Variants in RBFOX1 observed in about 807,000 individuals in gnomAD.
RBFOX1 encodes RNA binding fox-1 homolog 1.
Under a neutral mutation model 57.7 loss-of-function variants are expected in RBFOX1, and 8 were observed. The observed-to-expected ratio is 0.14, with a 90% CI of 0.08 to 0.25. The LOEUF (loss-of-function observed/expected upper bound fraction) is 0.25. Among genes scored for constraint, RBFOX1 ranks in the 10% least tolerant of loss-of-function variants. RBFOX1 has a pLI of 1.00. For missense variants in RBFOX1, 611 were observed against 548.5 expected, an observed-to-expected ratio of 1.11 and a Z score of -1.14; for synonymous variants, 326 against 222.4, an observed-to-expected ratio of 1.47 and a Z score of -4.15.
At chr16:5,515,849 C>A (rs752010910) in intron 2 of RBFOX1, among the ~76,000 whole-genome samples, 2 of 152,094 alleles carry the variant, frequency 1.3e-5, no homozygotes, top group Non-Finnish European at 2.9e-5. Context: ...TTCTGAGGCA[C>A]AGTGCTAGGC....
At chr16:6,801,205 A>T (rs1407901684) in intron 3 of RBFOX1, among the ~76,000 whole-genome samples, 1 of 151,664 alleles carries the variant, frequency 6.6e-6, no homozygotes, top group Non-Finnish European at 1.5e-5. Flanking sequence ...CATGCAAAAA[A>T]AAAAAAAAAA....
At chr16:7,308,298 T>TTTG in intron 4 of RBFOX1, among the ~76,000 whole-genome samples, 1 of 580 alleles carries the variant, frequency 1.7e-3, no homozygotes, top group Admixed American at 0.01. Context: ...CCCAGAGCTG[T>TTTG]TTTTTTTTTT....
At chr16:6,496,414 T>C (rs1372711863) in intron 2 of RBFOX1, among the ~76,000 whole-genome samples, 4 of 152,178 alleles carry the variant, frequency 2.6e-5, no homozygotes, top group Admixed American at 2.6e-4. Flanking sequence ...AATAGCTAGA[T>C]TGTGTTTCTA....
intron 3 of RBFOX1, among the ~76,000 whole-genome samples, chr16:6,694,687 A>T (rs1344567902): frequency 6.6e-6 from 1 of 152,276 alleles, no homozygotes; most frequent in African/African-American, 2.4e-5. Flanking sequence ...GATGGCCACC[A>T]GGAGCCACCA....
intron 2 of RBFOX1, among the ~76,000 whole-genome samples, chr16:6,322,662 A>G (rs1315439215): frequency 1.3e-5 from 2 of 152,224 alleles, no homozygotes; most frequent in African/African-American, 4.8e-5. Context: ...GTAAGGAGGT[A>G]TTGAAAGAGA....
intron 2 of RBFOX1, among the ~76,000 whole-genome samples, chr16:6,353,227 C>G (rs2086702149): frequency 6.6e-6 from 1 of 152,102 alleles, no homozygotes; most frequent in African/African-American, 2.4e-5. Flanking sequence ...AATGCTGCCG[C>G]TTTTATCATA....
chr16:6,413,132 C>A (rs1475689381), intron 2 of RBFOX1, among the ~76,000 whole-genome samples: 1 of 151,970 alleles, frequency 6.6e-6, no homozygotes, highest in Non-Finnish European at 1.5e-5. Flanking sequence ...CCAGCCTAAC[C>A]AACATGGAGA....
chr16:5,964,208 T>C (rs914052005), intron 4 of RBFOX1, among the ~76,000 whole-genome samples: 7 of 152,156 alleles, frequency 4.6e-5, no homozygotes, highest in African/African-American at 1.7e-4. Flanking sequence ...TACCACCTCA[T>C]ACCTATTAGG....
chr16:7,265,134 C>T (rs774203519), intron 4 of RBFOX1, among the ~76,000 whole-genome samples: 5 of 152,200 alleles, frequency 3.3e-5, no homozygotes, highest in Admixed American at 6.5e-5. Context: ...CTCTGTTCTG[C>T]GCACTAAGGG....
intron 2 of RBFOX1, among the ~76,000 whole-genome samples, chr16:5,532,587 G>A (rs1025422759): frequency 1.3e-5 from 2 of 152,228 alleles, no homozygotes; most frequent in African/African-American, 4.8e-5. Flanking sequence ...GCAGCACTGG[G>A]TTATTAGTTG....
At chr16:6,835,723 C>T (rs1030747902) in intron 3 of RBFOX1, among the ~76,000 whole-genome samples, 2 of 142,302 alleles carry the variant, frequency 1.4e-5, no homozygotes, top group African/African-American at 5.4e-5. Flanking sequence ...CATTGCACTC[C>T]AGCCTGGGTG....
At chr16:7,119,800 G>A (rs117636162) in intron 4 of RBFOX1, among the ~76,000 whole-genome samples, 1,840 of 152,108 alleles carry the variant, frequency 0.012, 23 homozygotes, top group Non-Finnish European at 0.017. Flanking sequence ...AATTAATATT[G>A]AGAAAATTAA....
At chr16:5,378,766 A>G (rs943014157) in intron 1 of RBFOX1, among the ~76,000 whole-genome samples, 1 of 151,600 alleles carries the variant, frequency 6.6e-6, no homozygotes, top group Non-Finnish European at 1.5e-5. Context: ...AATGGGAGAT[A>G]ATGCTAATGC....
intron 4 of RBFOX1, among the ~76,000 whole-genome samples, chr16:7,358,360 C>A (rs1042199255): frequency 3.3e-5 from 5 of 152,170 alleles, no homozygotes; most frequent in Non-Finnish European, 5.9e-5. Flanking sequence ...AATCTCTAAG[C>A]AGCTCCTGCA....
intron 3 of RBFOX1, among the ~76,000 whole-genome samples, chr16:6,872,572 A>G (rs115195262): frequency 0.014 from 2,062 of 152,266 alleles, 49 homozygotes; most frequent in African/African-American, 0.046. Flanking sequence ...AAAAAAAGAT[A>G]AGAACGTTTG....
chr16:7,186,721 G>C (rs1237035379), intron 4 of RBFOX1, among the ~76,000 whole-genome samples: 1 of 149,082 alleles, frequency 6.7e-6, no homozygotes, highest in African/African-American at 2.5e-5. Context: ...AGGAATCTTT[G>C]TGTCCTTAGA....
chr16:5,686,104 A>C (rs880629), intron 3 of RBFOX1, among the ~76,000 whole-genome samples: 135,170 of 152,158 alleles, frequency 0.89, 61,199 homozygotes, highest in East Asian at 1. Flanking sequence ...AGTGATGAAA[A>C]GAAGATGGAG....
At chr16:5,362,183 T>C in intron 1 of RBFOX1, among the ~76,000 whole-genome samples, 1 of 152,162 alleles carries the variant, frequency 6.6e-6, no homozygotes. Flanking sequence ...CTTACTCAAC[T>C]TGTGTCACTG....
intron 2 of RBFOX1, among the ~76,000 whole-genome samples, chr16:6,625,218 C>G (rs921678443): frequency 1.4e-5 from 2 of 146,986 alleles, no homozygotes; most frequent in Admixed American, 1.4e-4. Flanking sequence ...GAGTGGCACA[C>G]CCCCAAAACA....
Sources: gnomAD v4.1 joint callset for allele counts (sites outside exome capture counted in the v4.1 genomes callset) on GRCh38, gnomAD v4.1.1 for gene constraint, MANE v1.5 for transcripts, NCBI Gene and HGNC (gene_info 2026-07-23, HGNC 2026-07-21) for gene names.